GTSE1: variants seen among roughly 807,000 people sequenced by gnomAD.
GTSE1 encodes G2 and S-phase expressed 1, also known as G2 and S phase-expressed protein 1.
A neutral mutation model predicts 60.5 loss-of-function variants in GTSE1; 52 were observed. The ratio of observed to expected loss-of-function variants is 0.86; its 90% CI spans 0.69 to 1.08. GTSE1 has a LOEUF of 1.08. Among genes scored for constraint, GTSE1 ranks in the 50% least tolerant of loss-of-function variants. The pLI is 0.00. For missense variants in GTSE1, 937 were observed against 961.8 expected, an observed-to-expected ratio of 0.97 and a Z score of 0.34; for synonymous variants, 368 against 386.5, an observed-to-expected ratio of 0.95 and a Z score of 0.56.
intron 7 of GTSE1, among the ~76,000 whole-genome samples, chr22:46,322,837 C>G (rs1210517586): frequency 6.6e-6 from 1 of 152,244 alleles, no homozygotes; most frequent in Non-Finnish European, 1.5e-5. Context: ...CTAGCGCATG[C>G]AGGTGCCGTC....
chr22:46,297,480 G>GGT lies in GTSE1; in HGVS notation c.79+1_79+2insGT. 6.2e-7 allele frequency: 1 copy of GGT among 1,600,762 alleles called. No individual in the cohort carries two copies. The highest frequency in any genetic ancestry group is 8.6e-7 in the Non-Finnish European group (1 of 1,168,096). On this transcript the variant is annotated splice_donor_variant, in intron 2 of 11. Transcript: ENST00000454366. LOFTEE classifies it high-confidence loss of function. The surrounding 1 kb of genome is among the most constrained non-coding windows in gnomAD (Gnocchi z 4.9). ...AACATGGATGACCCTAAGAAGGAAG[G>GGT]CAAGTCCTTGCTGCTGCGGCGCTGT...
chr22:46,307,792 C>T (rs2147816792), intron 2 of GTSE1, among the ~76,000 whole-genome samples: 1 of 151,226 alleles, frequency 6.6e-6, no homozygotes, highest in East Asian at 1.9e-4. Flanking sequence ...TAAGCCACCG[C>T]CCCCAGCCGG....
At chr22:46,307,261 C>T (rs889302151) in intron 2 of GTSE1, among the ~76,000 whole-genome samples, 2 of 152,138 alleles carry the variant, frequency 1.3e-5, no homozygotes, top group South Asian at 2.1e-4. Context: ...GTCCCTACTC[C>T]GTGCATTTGA....
At position 46,308,618 on chromosome 22, in the gene GTSE1, A is replaced by C. The variant is rs1872427997; in HGVS notation, c.437A>C (p.Asn146Thr). The change falls in exon 4 of 12, where the codon AAC becomes ACC. Residue 146 changes from asparagine to threonine, a missense_variant. Asn to Thr is a moderately conservative substitution (Grantham distance 65, BLOSUM62 0). Coordinates refer to ENST00000454366, the MANE Select transcript of GTSE1 (RefSeq NM_016426.7). ...ATACAGGAGTCAAAATTAAAAATAA[A>C]CCTCTTTGAGAAAGAAAAGGAAATG... is the stretch of plus-strand genomic sequence containing the variant. ...RFIQESKLKINLFEKEKEMKK... is the reference protein window; with the variant it reads ...RFIQESKLKITLFEKEKEMKK... 1 of 1,613,952 alleles carries C rather than the reference A, an allele frequency of 6.2e-7. No individual in the cohort carries two copies. Among genetic ancestry groups the C allele is most frequent in the Non-Finnish European group, 8.5e-7 (1 of 1,180,022 alleles).
intron 2 of GTSE1, among the ~76,000 whole-genome samples, chr22:46,300,286 C>T (rs776570739): frequency 9.2e-5 from 14 of 151,536 alleles, no homozygotes; most frequent in Non-Finnish European, 1.3e-4. Flanking sequence ...TCAGTAGAGA[C>T]GGGGTTTCAC....
At chr22:46,326,224 C>A (rs1293698390) in intron 8 of GTSE1, among the ~76,000 whole-genome samples, 1 of 152,254 alleles carries the variant, frequency 6.6e-6, no homozygotes. Context: ...CCACTGGGAG[C>A]CCGAAGCCCA....
chr22:46,297,337 G>C lies in GTSE1; in HGVS notation c.-21-43G>C. ...GGGCTGAAGGAAGCCGGAGCCCTGGGCCCTGACACGTACTCACTTTCTGGC... is the reference window on the plus strand; with the variant it reads ...GGGCTGAAGGAAGCCGGAGCCCTGGCCCCTGACACGTACTCACTTTCTGGC... On this transcript the variant is annotated intron_variant, in intron 1 of 11. Transcript: ENST00000454366. This position sits in a 1 kb window ranked among gnomAD's most constrained non-coding sequence, Gnocchi z 4.9. 1 of 1,114,502 alleles carries C rather than the reference G, an allele frequency of 9.0e-7. No homozygotes were observed. Among genetic ancestry groups the C allele is most frequent in the South Asian group, 1.2e-5 (1 of 81,158 alleles). 69.0% of individuals were successfully genotyped at this position (1,114,502 alleles called of 1,614,324 possible).
At position 46,312,282 on chromosome 22, in the gene GTSE1, C is replaced by A; in HGVS notation, c.904C>A (p.Arg302=). ...CGGAAGCCACTTGGGCCAGGGCAAG[C>A]GGGCGATCCCTGTTCCAAACAAGGT... ...AAGSHLGQGK[R]AIPVPNKLGL... The change falls in exon 5 of 12, where the codon CGG becomes AGG. Residue 302 remains arginine (R), a synonymous_variant. Coordinates refer to ENST00000454366, the MANE Select transcript of GTSE1 (RefSeq NM_016426.7). 2 of 1,612,586 alleles carry A rather than the reference C, an allele frequency of 1.2e-6. No homozygotes were observed. Among genetic ancestry groups the A allele is most frequent in the Non-Finnish European group, 1.7e-6 (2 of 1,179,470 alleles).
intron 9 of GTSE1, among the ~76,000 whole-genome samples, chr22:46,327,547 C>T (rs62226995): frequency 0.016 from 2,421 of 152,142 alleles, 27 homozygotes; most frequent in Admixed American, 0.023. Flanking sequence ...TGGTGGCATG[C>T]GCCTGTAATC....
At chr22:46,325,717 T>A (rs961886927) in intron 8 of GTSE1, among the ~76,000 whole-genome samples, 9 of 152,240 alleles carry the variant, frequency 5.9e-5, no homozygotes, top group Admixed American at 2.0e-4. Context: ...GATCTCCTCC[T>A]AAAGGCCCCA....
chr22:46,311,922 T>A (rs923913238), intron 4 of GTSE1, among the ~76,000 whole-genome samples: 1 of 152,162 alleles, frequency 6.6e-6, no homozygotes, highest in Non-Finnish European at 1.5e-5. Context: ...TTGATGCTGT[T>A]TTTAATGAGG....
At chr22:46,305,703 T>C (rs2077711733) in intron 2 of GTSE1, among the ~76,000 whole-genome samples, 2 of 151,720 alleles carry the variant, frequency 1.3e-5, no homozygotes, top group South Asian at 4.2e-4. Context: ...GGTCAGGAAT[T>C]TGAGACCAGC....
rs752322552 is a variant in GTSE1, at chr22:46,308,786, C to T, written c.605C>T (p.Ala202Val). 45 of 1,613,014 alleles carry T rather than the reference C, an allele frequency of 2.8e-5. 1 individual carries two copies. The highest frequency in any genetic ancestry group is 1.9e-4 in the African/African-American group (14 of 74,936). The change falls in exon 4 of 12, where the codon GCG becomes GTG. Residue 202 changes from alanine (A) to valine (V), a missense_variant. Transcript: ENST00000454366. ...GGTGCCCAGGCCCGCCTCACCCGGG[C>T]GCCGGGGCCTCCGCACTCTGCTCAT... The part of the protein sequence containing the change: ...SSGAQARLTR[A>V]PGPPHSAHAL...
intron 2 of GTSE1, among the ~76,000 whole-genome samples, chr22:46,298,941 C>A (rs2077673713): frequency 6.6e-6 from 1 of 152,230 alleles, no homozygotes; most frequent in Non-Finnish European, 1.5e-5. Context: ...TCCTTCCAAG[C>A]CAAACTTTGA....
At chr22:46,322,408 C>T (rs970108076) in intron 7 of GTSE1, among the ~76,000 whole-genome samples, 2 of 152,136 alleles carry the variant, frequency 1.3e-5, no homozygotes, top group African/African-American at 2.4e-5. Context: ...CCATGGCTTC[C>T]CAGACATAGC....
intron 7 of GTSE1, among the ~76,000 whole-genome samples, chr22:46,322,073 C>CAAAAAA (rs769915567): frequency 2.2e-5 from 1 of 44,606 alleles, no homozygotes; most frequent in African/African-American, 8.0e-5. Context: ...GACTCTGTCT[C>CAAAAAA]AAAAAAAAAA....
chr22:46,308,205 G>A lies in GTSE1; in HGVS notation c.135G>A (p.Ser45=), dbSNP rs370416620. 5.6e-6 allele frequency: 9 copies of A among 1,612,696 alleles called. No individual in the cohort carries two copies. The highest frequency in any genetic ancestry group is 4.2e-6 in the Non-Finnish European group (5 of 1,178,964). The change falls in exon 3 of 12, where the codon TCG becomes TCA. Residue 45 remains serine, a splice_region_variant and synonymous_variant. Coordinates refer to ENST00000454366, the MANE Select transcript of GTSE1 (RefSeq NM_016426.7). ...ACTTCGATCTTTCATTGTCTTCTTC[G>A]AGGTAAACAAATGAGTTTTCTTCCC... ...KFDFDLSLSS[S]SANEDDEVFF...
Position 46,330,088 on chromosome 22 carries a change from G to A in GTSE1, c.2178G>A (p.Glu726=), listed in dbSNP as rs201966068. Residue 726 remains glutamate, a synonymous_variant, in exon 12 of 12, where the codon GAG becomes GAA. Transcript: ENST00000454366. The surrounding 1 kb of genome is among the most constrained non-coding windows in gnomAD (Gnocchi z 6.0). ...LSSPLIQLSP[E]ADKENVDSPL... is the part of the protein sequence containing the mutation. ...CCCCTCTGATCCAGCTGAGCCCTGA[G>A]GCTGACAAGGAGAACGTGGATTCCC... 1.2e-6 allele frequency: 2 copies of A among 1,612,222 alleles called. No homozygotes were observed. Among genetic ancestry groups the A allele is most frequent in the East Asian group, 4.5e-5 (2 of 44,876 alleles).
At position 46,308,603 on chromosome 22, in the gene GTSE1, C is replaced by G; in HGVS notation, c.422C>G (p.Ser141Ter). 1 of 1,614,028 alleles carries G rather than the reference C, an allele frequency of 6.2e-7. No individual in the cohort carries two copies. The highest frequency in any genetic ancestry group is 8.5e-7 in the Non-Finnish European group (1 of 1,179,996). ...SQGVERFIQE[S>*]KLKINLFEKE... The stretch of plus-strand genomic sequence containing the variant: ...GGCGTGGAAAGATTCATACAGGAGT[C>G]AAAATTAAAAATAAACCTCTTTGAG... Residue 141 changes from serine to a stop codon, truncating the protein, a stop_gained, in exon 4 of 12, where the codon TCA becomes TGA. Coordinates refer to ENST00000454366, the MANE Select transcript of GTSE1 (RefSeq NM_016426.7). LOFTEE classifies it high-confidence loss of function.
Sources: allele counts gnomAD v4.1 joint callset (sites outside exome capture counted in the v4.1 genomes callset), GRCh38; gene constraint gnomAD v4.1.1; non-coding constraint Gnocchi (gnomAD v3.1); transcripts MANE v1.5; gene names NCBI Gene and HGNC (gene_info 2026-07-23, HGNC 2026-07-21).